LCORL: variants seen among roughly 807,000 people sequenced by gnomAD.
LCORL encodes the protein ligand-dependent nuclear receptor corepressor-like protein.
In LCORL, 41 loss-of-function variants were observed where a neutral mutation model predicts 141.8. The ratio of observed to expected loss-of-function variants is 0.29; its 90% CI spans 0.23 to 0.38. LCORL has a LOEUF of 0.38. Ranked by LOEUF, LCORL falls within the 10% of genes least tolerant of loss-of-function variation. LCORL has a pLI of 1.00. For synonymous variants in LCORL, 618 were observed against 694.1 expected (o/e 0.89, Z 1.72); for missense variants, 1,759 against 2,035.0 (o/e 0.86, Z 2.61).
At chr4:17,940,108 ATG>A (rs957623447) in intron 4 of LCORL, among the ~76,000 whole-genome samples, 3 of 146,380 alleles carry the variant, frequency 2.0e-5, no homozygotes, top group African/African-American at 7.5e-5. Context: ...AGGTAGATAT[ATG>A]TGTGTGTATA....
intron 4 of LCORL, among the ~76,000 whole-genome samples, chr4:17,917,209 T>C (rs901194556): frequency 4.0e-5 from 6 of 150,158 alleles, no homozygotes; most frequent in Non-Finnish European, 8.9e-5. Flanking sequence ...TTTTGTTTTG[T>C]TTTTTTTTGA....
rs750902749 is a variant in LCORL, at chr4:17,845,680, A to G, written c.*208T>C. Reference sequence around the variant, plus strand: ...TAAATGCTTATTGTTCAGAAGGAATACTGACATACAAAATAAAGATAGTGC... The same window carrying G: ...TAAATGCTTATTGTTCAGAAGGAATGCTGACATACAAAATAAAGATAGTGC... On this transcript the variant is annotated 3_prime_UTR_variant, in exon 8 of 8. Coordinates refer to ENST00000635767, the Ensembl canonical transcript of LCORL. The G allele has an allele frequency of 5.6e-6, 8 of 1,433,296 alleles. No individual in the cohort carries two copies. The South Asian group carries it at 1.0e-4, about 18-fold the overall frequency. The allele number at this position is 1,433,296 out of a possible 1,614,324, so 88.8% of individuals were successfully genotyped here. A position where few individuals can be genotyped will look rare whatever the true frequency, so the allele number is the denominator to read the frequency against.
rs111400451 is a variant in LCORL, at chr4:17,907,216, T to C, written c.682+1878A>G. Among the ~76,000 whole-genome samples, 1,066 of 152,316 alleles carry C rather than the reference T, an allele frequency of 7.0e-3. 10 individuals carry two copies. Among genetic ancestry groups the C allele is most frequent in the Non-Finnish European group, 0.012 (787 of 68,016 alleles). ...TAACAGCCATACAAGTATTTATAGA[T>C]CACTATCACGTTACTTCTAAGGCTT... On this transcript the variant is annotated intron_variant, in intron 5 of 7. Transcript: ENST00000635767.
intron 4 of LCORL, among the ~76,000 whole-genome samples, chr4:17,941,385 G>C (rs1364728510): frequency 6.6e-6 from 1 of 151,906 alleles, no homozygotes; most frequent in East Asian, 1.9e-4. Flanking sequence ...TGTGAACTCG[G>C]AAGGCGAAGC....
At chr4:17,943,726 G>T (rs1738355783) in intron 4 of LCORL, among the ~76,000 whole-genome samples, 1 of 152,172 alleles carries the variant, frequency 6.6e-6, no homozygotes, top group African/African-American at 2.4e-5. Flanking sequence ...CATGTAGAAT[G>T]AGGAATATGC....
chr4:17,990,246 C>T (rs1719746443), intron 1 of LCORL, among the ~76,000 whole-genome samples: 2 of 151,852 alleles, frequency 1.3e-5, no homozygotes, highest in South Asian at 4.2e-4. Context: ...CTACAGGCGC[C>T]CACCACCACG....
chr4:18,010,262 T>C (rs1723491860), intron 1 of LCORL, among the ~76,000 whole-genome samples: 1 of 152,156 alleles, frequency 6.6e-6, no homozygotes, highest in Non-Finnish European at 1.5e-5. Flanking sequence ...TACATAGGCC[T>C]GTGGAAAATC....
intron 7 of LCORL, among the ~76,000 whole-genome samples, chr4:17,867,392 C>T (rs1452463164): frequency 2.0e-5 from 3 of 152,020 alleles, no homozygotes; most frequent in Admixed American, 1.3e-4. Flanking sequence ...TGTCTTGTTG[C>T]AACTATTCAG....
chr4:17,929,073 C>T (rs1404558639), intron 4 of LCORL, among the ~76,000 whole-genome samples: 1 of 151,970 alleles, frequency 6.6e-6, no homozygotes, highest in Non-Finnish European at 1.5e-5. Flanking sequence ...AAAATACTTA[C>T]AAAAAATAAA....
At chr4:17,898,590 A>G (rs1365710903) in intron 5 of LCORL, among the ~76,000 whole-genome samples, 1 of 150,828 alleles carries the variant, frequency 6.6e-6, no homozygotes, top group Non-Finnish European at 1.5e-5. Flanking sequence ...TATTTCTGCA[A>G]CTTGCTTTTT....
intron 4 of LCORL, chr4:17,912,752 C>T (rs1042518950): frequency 2.2e-4 from 92 of 415,012 alleles, no homozygotes; most frequent in Non-Finnish European, 1.5e-4. Flanking sequence ...GGCACAGACC[C>T]GGGCAAAGAG....
exon 8 of LCORL, chr4:17,843,000 G>A (rs914094755): frequency 2.1e-5 from 4 of 186,260 alleles, no homozygotes; most frequent in Non-Finnish European, 1.1e-5. Flanking sequence ...ATCTCTTTTG[G>A]ACAGTTATGG....
In LCORL at chr4:17,917,353, C is replaced by T. The variant is rs150266185; in HGVS notation, c.431-8008G>A. ...GATCACAGGGGCCTGCCACCACGCC[C>T]GGCTAAGTTTTGTATTTTTAGTAGA... On this transcript the variant is annotated intron_variant, in intron 4 of 7. Transcript: ENST00000635767. 3.9e-4 allele frequency among the ~76,000 whole-genome samples: 60 copies of T among 152,246 alleles called. 1 individual carries two copies. The highest frequency in any genetic ancestry group is 1.1e-3 in the African/African-American group (46 of 41,544).
intron 1 of LCORL, among the ~76,000 whole-genome samples, chr4:17,997,337 G>A (rs947802378): frequency 2.6e-5 from 4 of 152,134 alleles, no homozygotes; most frequent in African/African-American, 9.7e-5. Flanking sequence ...TTGGGGAAAG[G>A]GAGGGTTGGG....
chr4:17,903,540 T>C (rs1403054264), intron 5 of LCORL, among the ~76,000 whole-genome samples: 2 of 152,092 alleles, frequency 1.3e-5, no homozygotes, highest in African/African-American at 4.8e-5. Flanking sequence ...TATATCTGTT[T>C]CTTAACTCAA....
chr4:17,885,985 A>G lies in LCORL; in HGVS notation c.776+83T>C, dbSNP rs1728217090. 4 of 689,386 alleles carry G rather than the reference A, an allele frequency of 5.8e-6. No homozygotes were observed. In the South Asian group the frequency reaches 8.1e-5, roughly 14 times the overall value. 42.7% of individuals were successfully genotyped at this position (689,386 alleles called of 1,614,324 possible). On this transcript the variant is annotated intron_variant, in intron 6 of 7. Coordinates refer to ENST00000635767, the Ensembl canonical transcript of LCORL. ...TTCTGGAGGAAAACTATATACGTCAATACTACTCAGAATAGTATTAAGAGT... is the reference window on the plus strand; with the variant it reads ...TTCTGGAGGAAAACTATATACGTCAGTACTACTCAGAATAGTATTAAGAGT...
intron 4 of LCORL, chr4:17,911,840 G>A: frequency 2.2e-6 from 1 of 454,554 alleles, no homozygotes. Flanking sequence ...AGCTTCCAGG[G>A]CGGCTTGAGG....
At chr4:17,946,325 A>T (rs1738870289) in intron 4 of LCORL, among the ~76,000 whole-genome samples, 1 of 151,986 alleles carries the variant, frequency 6.6e-6, no homozygotes, top group Non-Finnish European at 1.5e-5. Context: ...AAAATTTGTT[A>T]GACTGCTTTA....
chr4:17,972,224 T>C (rs1716102870), intron 2 of LCORL, among the ~76,000 whole-genome samples: 1 of 151,802 alleles, frequency 6.6e-6, no homozygotes, highest in Non-Finnish European at 1.5e-5. Context: ...TTTCTATAAA[T>C]TCCTCATTTA....
Sources: gnomAD v4.1 joint callset for allele counts (sites outside exome capture counted in the v4.1 genomes callset) on GRCh38, gnomAD v4.1.1 for gene constraint, MANE v1.5 for transcripts, NCBI Gene and HGNC (gene_info 2026-07-23, HGNC 2026-07-21) for gene names.